Variants in PAQR5 observed in about 807,000 individuals in gnomAD.
The protein encoded by PAQR5 is progestin and adipoQ receptor family member 5, also known as membrane progestin receptor gamma.
PAQR5 carries 20 observed loss-of-function variants against 34.5 expected under a neutral mutation model. The ratio of observed to expected loss-of-function variants is 0.58; its 90% CI spans 0.41 to 0.84. The LOEUF is 0.84. Among genes scored for constraint, PAQR5 ranks in the 40% least tolerant of loss-of-function variants. The probability of loss-of-function intolerance (pLI) is 0.00; values close to 1 mark genes in which losing one functional copy is unlikely to be tolerated. For synonymous variants in PAQR5, 131 were observed against 155.6 expected (o/e 0.84, Z 1.18); for missense variants, 378 against 412.7 (o/e 0.92, Z 0.73).
chr15:69,407,518 T>C lies in PAQR5; in HGVS notation c.*3696T>C, dbSNP rs184397707. 50 of 152,334 alleles carry C rather than the reference T, an allele frequency of 3.3e-4. No individual in the cohort carries two copies. Among genetic ancestry groups the C allele is most frequent in the African/African-American group, 1.2e-3 (49 of 41,582 alleles). The allele number at this position is 152,334 out of a possible 1,614,324, so 9.4% of individuals were successfully genotyped here. On this transcript the variant is annotated 3_prime_UTR_variant, in exon 9 of 9. Coordinates refer to ENST00000395407, the MANE Select transcript of PAQR5 (RefSeq NM_017705.4). ...ATTTGAATTTCGGCCTCTGATTTTC[T>C]AGTCAACAATCCATTAAGGCAAAGA...
chr15:69,351,042 G>A (rs1460707876), intron 2 of PAQR5, among the ~76,000 whole-genome samples: 4 of 152,170 alleles, frequency 2.6e-5, no homozygotes, highest in South Asian at 2.1e-4. Flanking sequence ...GTTTTAGCTC[G>A]GGTCTGACTC....
At chr15:69,359,080 C>T (rs1159360496) in intron 2 of PAQR5, among the ~76,000 whole-genome samples, 1 of 152,164 alleles carries the variant, frequency 6.6e-6, no homozygotes, top group Non-Finnish European at 1.5e-5. Flanking sequence ...GGTGAGGGCC[C>T]ATTCCTCATA....
chr15:69,329,139 C>G (rs1382647713), intron 1 of PAQR5, among the ~76,000 whole-genome samples: 1 of 152,240 alleles, frequency 6.6e-6, no homozygotes, highest in Non-Finnish European at 1.5e-5. Context: ...CTGAACCTTT[C>G]CTGGCTCACA....
At chr15:69,306,555 G>A (rs911410238) in intron 1 of PAQR5, among the ~76,000 whole-genome samples, 4 of 151,664 alleles carry the variant, frequency 2.6e-5, no homozygotes, top group African/African-American at 9.7e-5. Flanking sequence ...GGGATTACAG[G>A]CGCACACCAC....
intron 1 of PAQR5, among the ~76,000 whole-genome samples, chr15:69,332,793 A>G (rs1277267320): frequency 6.7e-6 from 1 of 149,538 alleles, no homozygotes; most frequent in Non-Finnish European, 1.5e-5. Flanking sequence ...AAAAAAAAAA[A>G]AAAAAAAAAA....
chr15:69,318,927 T>A (rs11072080), intron 1 of PAQR5, among the ~76,000 whole-genome samples: 87,984 of 150,746 alleles, frequency 0.58, 26,087 homozygotes, highest in Middle Eastern at 0.67. Flanking sequence ...TAAGGTCGGG[T>A]GTTTGAGACC....
At chr15:69,344,287 C>T (rs2054712469) in intron 2 of PAQR5, among the ~76,000 whole-genome samples, 1 of 152,202 alleles carries the variant, frequency 6.6e-6, no homozygotes, top group Non-Finnish European at 1.5e-5. Flanking sequence ...TGGGCTCATT[C>T]AGAGGAGTGG....
intron 3 of PAQR5, among the ~76,000 whole-genome samples, chr15:69,366,100 G>C (rs890879330): frequency 6.6e-6 from 1 of 152,104 alleles, no homozygotes; most frequent in South Asian, 2.1e-4. Context: ...AACTACACCC[G>C]TTAGCAGCCA....
intron 6 of PAQR5, among the ~76,000 whole-genome samples, chr15:69,392,900 C>T (rs1025073629): frequency 6.6e-6 from 1 of 151,928 alleles, no homozygotes; most frequent in African/African-American, 2.4e-5. Flanking sequence ...CCAGAGTCTG[C>T]AAGAGTAGAT....
chr15:69,316,248 T>C (rs2053945188), intron 1 of PAQR5, among the ~76,000 whole-genome samples: 2 of 152,064 alleles, frequency 1.3e-5, no homozygotes, highest in Non-Finnish European at 2.9e-5. Context: ...ACCCGGCTAG[T>C]TTTTGTATTT....
chr15:69,315,299 C>T (rs2053921347), intron 1 of PAQR5, among the ~76,000 whole-genome samples: 2 of 152,194 alleles, frequency 1.3e-5, no homozygotes, highest in African/African-American at 4.8e-5. Context: ...AATGAATTCA[C>T]TTTGTTCAGG....
At chr15:69,359,325 G>T (rs540731265) in intron 2 of PAQR5, among the ~76,000 whole-genome samples, 1 of 152,094 alleles carries the variant, frequency 6.6e-6, no homozygotes, top group African/African-American at 2.4e-5. Context: ...AGGATGAGCC[G>T]CAGACAAAAC....
chr15:69,390,863 G>A (rs2056248559), intron 6 of PAQR5, among the ~76,000 whole-genome samples: 1 of 151,858 alleles, frequency 6.6e-6, no homozygotes. Context: ...AAACTCATGG[G>A]GGTGTGAGTG....
At chr15:69,325,177 G>A (rs1400746004) in intron 1 of PAQR5, among the ~76,000 whole-genome samples, 2 of 152,192 alleles carry the variant, frequency 1.3e-5, no homozygotes, top group Non-Finnish European at 2.9e-5. Flanking sequence ...GGGCTTACAG[G>A]CGTGAGCCAC....
Position 69,336,714 on chromosome 15 carries a change from T to G in PAQR5, c.-276-627T>G, listed in dbSNP as rs551047913. Among the ~76,000 whole-genome samples, 4 of 152,326 alleles carry G rather than the reference T, an allele frequency of 2.6e-5. No homozygotes were observed. In the East Asian group the frequency reaches 7.7e-4, roughly 29 times the overall value. On this transcript the variant is annotated intron_variant, in intron 1 of 8. Coordinates refer to ENST00000395407, the MANE Select transcript of PAQR5 (RefSeq NM_017705.4). ...AACTCTGGAGATTGTGACTTTAGAA[T>G]AGACAGAAAACTTTCAAAAGAAAGA...
Position 69,378,273 on chromosome 15 carries a change from A to AAAAAAAAAAAAAAAAAG in PAQR5, c.52-1594_52-1593insGAAAAAAAAAAAAAAAA, listed in dbSNP as rs1567029689. Among the ~76,000 whole-genome samples, 45 of 145,712 alleles carry AAAAAAAAAAAAAAAAAG rather than the reference A, an allele frequency of 3.1e-4. 2 individuals are homozygous for AAAAAAAAAAAAAAAAAG. The highest frequency in any genetic ancestry group is 1.0e-3 in the African/African-American group (40 of 39,012). On this transcript the variant is annotated intron_variant, in intron 3 of 8. Coordinates refer to ENST00000395407, the MANE Select transcript of PAQR5 (RefSeq NM_017705.4). The stretch of plus-strand genomic sequence containing the variant: ...AAATGAGACTCCATCTTAAAAAAAA[A>AAAAAAAAAAAAAAAAAG]AAAAAAAAAAAAAAAAATTAGCTGA...
chr15:69,384,645 G>C (rs368706933), intron 4 of PAQR5, 32 bp from the exon 5 acceptor site: 1 of 1,526,008 alleles, frequency 6.6e-7, no homozygotes, highest in South Asian at 1.1e-5. Flanking sequence ...CTGTGTTCAT[G>C]GTGGAGGGTG....
intron 2 of PAQR5, among the ~76,000 whole-genome samples, chr15:69,350,368 C>T (rs990613495): frequency 4.6e-5 from 7 of 152,178 alleles, no homozygotes; most frequent in South Asian, 2.1e-4. Flanking sequence ...ACAGGCTGAA[C>T]ATGGTGGCTC....
At chr15:69,335,245 G>A (rs2054485216) in intron 1 of PAQR5, among the ~76,000 whole-genome samples, 1 of 96,710 alleles carries the variant, frequency 1.0e-5, no homozygotes, top group Non-Finnish European at 2.1e-5. Context: ...AGAAATTTTA[G>A]CTTTTTTTTT....
Sources: gnomAD v4.1 joint callset for allele counts (sites outside exome capture counted in the v4.1 genomes callset) on GRCh38, gnomAD v4.1.1 for gene constraint, MANE v1.5 for transcripts, NCBI Gene and HGNC (gene_info 2026-07-23, HGNC 2026-07-21) for gene names.